PLCL2: variants seen among roughly 807,000 people sequenced by gnomAD.
The protein encoded by PLCL2 is phospholipase C like 2, also known as inactive phospholipase C-like protein 2.
PLCL2 carries 4 observed loss-of-function variants against 79.6 expected under a neutral mutation model. The ratio of observed to expected loss-of-function variants is 0.05; its 90% CI spans 0.02 to 0.11. PLCL2 has a LOEUF of 0.11. Among genes scored for constraint, PLCL2 ranks in the 10% least tolerant of loss-of-function variants. The pLI, the probability that PLCL2 is intolerant of heterozygous loss-of-function variation, is 1.00. For synonymous variants in PLCL2, 484 were observed against 457.7 expected (o/e 1.06, Z -0.73); for missense variants, 895 against 1,291.0 (o/e 0.69, Z 4.70).
At chr3:16,983,951 G>A (rs989430372) in intron 1 of PLCL2, among the ~76,000 whole-genome samples, 6 of 152,138 alleles carry the variant, frequency 3.9e-5, no homozygotes, top group African/African-American at 1.2e-4. Flanking sequence ...GCAGCAAATT[G>A]TATTTTACTG....
chr3:17,014,518 A>G (rs550747855), intron 2 of PLCL2, among the ~76,000 whole-genome samples, 190 bp from the exon 3 acceptor site: 7 of 152,240 alleles, frequency 4.6e-5, no homozygotes, highest in Non-Finnish European at 1.0e-4. Context: ...ACAAATGTCC[A>G]TAACAGCATT....
chr3:16,955,564 G>T (rs1162001497), intron 1 of PLCL2, among the ~76,000 whole-genome samples: 2 of 152,184 alleles, frequency 1.3e-5, no homozygotes, highest in Non-Finnish European at 2.9e-5. Flanking sequence ...ATTCTGTGAA[G>T]AAAGTCATTG....
At chr3:16,946,466 T>C (rs1241855050) in intron 1 of PLCL2, among the ~76,000 whole-genome samples, 1 of 152,176 alleles carries the variant, frequency 6.6e-6, no homozygotes, top group Non-Finnish European at 1.5e-5. Flanking sequence ...ATTTCAACAG[T>C]AATTTTCCCT....
intron 3 of PLCL2, among the ~76,000 whole-genome samples, chr3:17,034,566 G>A (rs929243561): frequency 4.6e-5 from 7 of 152,078 alleles, no homozygotes; most frequent in South Asian, 2.1e-4. Flanking sequence ...CTACTGTCAC[G>A]AATTCACCAC....
At chr3:17,021,703 C>T (rs189800730) in intron 3 of PLCL2, among the ~76,000 whole-genome samples, 4,306 of 152,000 alleles carry the variant, frequency 0.028, 219 homozygotes, top group African/African-American at 0.1. Flanking sequence ...TTGAAAGAGA[C>T]TTAATCACAT....
Position 17,010,546 on chromosome 3 carries a change from C to A in PLCL2, c.1200C>A (p.Leu400=), listed in dbSNP as rs201629623. ...AAGAGGGTCAGGAAAAGGGCTGGCTCTCCATAGACGGGTTCACTAATTACC... is the reference window on the plus strand; with the variant it reads ...AAGAGGGTCAGGAAAAGGGCTGGCTATCCATAGACGGGTTCACTAATTACC... ...PSKEGQEKGW[L]SIDGFTNYLM... is the part of the protein sequence containing the mutation. Residue 400 remains leucine (L), a synonymous_variant, in exon 2 of 6, where the codon CTC becomes CTA. Coordinates refer to ENST00000615277, the MANE Select transcript of PLCL2 (RefSeq NM_001144382.2). This position sits in a 1 kb window ranked among gnomAD's most constrained non-coding sequence, Gnocchi z 5.8. 6.2e-7 allele frequency: 1 copy of A among 1,614,100 alleles called. No homozygotes were observed. Among genetic ancestry groups the A allele is most frequent in the Non-Finnish European group, 8.5e-7 (1 of 1,179,994 alleles).
intron 4 of PLCL2, among the ~76,000 whole-genome samples, chr3:17,065,185 T>TA (rs2064996815): frequency 6.6e-6 from 1 of 152,148 alleles, no homozygotes; most frequent in Non-Finnish European, 1.5e-5. Flanking sequence ...AGGAGTAAGA[T>TA]AAGGGGGAGT....
intron 5 of PLCL2, among the ~76,000 whole-genome samples, chr3:17,076,789 C>T (rs919917271): frequency 1.3e-5 from 2 of 152,110 alleles, no homozygotes; most frequent in African/African-American, 4.8e-5. Flanking sequence ...CGCACTCAGC[C>T]GTTTCCTTTT....
chr3:16,967,395 C>T (rs945398375), intron 1 of PLCL2, among the ~76,000 whole-genome samples: 4 of 152,082 alleles, frequency 2.6e-5, no homozygotes, highest in African/African-American at 9.7e-5. Context: ...ATGTATAAAG[C>T]ATTCCCTTTT....
rs572672991 is a variant in PLCL2, at chr3:17,063,549, G to A, written c.3095-4407G>A. Among the ~76,000 whole-genome samples, 7 of 151,632 alleles carry A rather than the reference G, an allele frequency of 4.6e-5. 1 individual carries two copies. The South Asian group carries it at 1.5e-3, about 32-fold the overall frequency. ...AATCAGAACCTCCAGGGAGACACAGGAGCCTGCACTTTAAACACACACCTC... is the reference window on the plus strand; with the variant it reads ...AATCAGAACCTCCAGGGAGACACAGAAGCCTGCACTTTAAACACACACCTC... On this transcript the variant is annotated intron_variant, in intron 4 of 5. Coordinates refer to ENST00000615277, the MANE Select transcript of PLCL2 (RefSeq NM_001144382.2).
In PLCL2 at chr3:16,990,385, C is replaced by T. The variant is rs146135239; in HGVS notation, c.328-19289C>T. The stretch of plus-strand genomic sequence containing the variant: ...GGCTGCCTGAGTTCATGCATTTTAA[C>T]TCCCTTCTGCATTGGTGGTCAGAGG... On this transcript the variant is annotated intron_variant, in intron 1 of 5. Coordinates refer to ENST00000615277, the MANE Select transcript of PLCL2 (RefSeq NM_001144382.2). Among the ~76,000 whole-genome samples, 14 of 152,326 alleles carry T rather than the reference C, an allele frequency of 9.2e-5. No homozygotes were observed. The East Asian group carries it at 2.3e-3, about 25-fold the overall frequency.
chr3:16,948,998 G>A (rs935261911), intron 1 of PLCL2, among the ~76,000 whole-genome samples: 1 of 152,164 alleles, frequency 6.6e-6, no homozygotes, highest in Non-Finnish European at 1.5e-5. Flanking sequence ...ACTGTTGGGT[G>A]CATTTTGGAC....
At chr3:16,965,695 G>A (rs949719387) in intron 1 of PLCL2, among the ~76,000 whole-genome samples, 5 of 151,868 alleles carry the variant, frequency 3.3e-5, no homozygotes, top group African/African-American at 9.7e-5. Context: ...CTTTTATTTC[G>A]TTGAGCAGTG....
intron 1 of PLCL2, among the ~76,000 whole-genome samples, chr3:16,936,166 G>A (rs1242104678): frequency 6.6e-6 from 1 of 152,198 alleles, no homozygotes; most frequent in Non-Finnish European, 1.5e-5. Context: ...AAATGCCACA[G>A]TCCTGGACAT....
Position 17,011,374 on chromosome 3 carries a change from T to C in PLCL2, c.2028T>C (p.Phe676=). 2.5e-6 allele frequency: 4 copies of C among 1,614,176 alleles called. No individual in the cohort carries two copies. The highest frequency in any genetic ancestry group is 3.4e-6 in the Non-Finnish European group (4 of 1,180,024). Residue 676 remains phenylalanine, a synonymous_variant, in exon 2 of 6, where the codon TTT becomes TTC. Coordinates refer to ENST00000615277, the MANE Select transcript of PLCL2 (RefSeq NM_001144382.2). The surrounding 1 kb of genome is among the most constrained non-coding windows in gnomAD (Gnocchi z 7.9). ...ACAAACGTTTTCTTGCTAGGGTTTT[T>C]CCCAGTCCAATGAGAATTGATTCCA... is the stretch of plus-strand genomic sequence containing the variant. ...NYNKRFLARV[F]PSPMRIDSSN... is the part of the protein sequence containing the mutation.
At chr3:16,902,307 A>T (rs1696639970) in intron 1 of PLCL2, among the ~76,000 whole-genome samples, 1 of 152,174 alleles carries the variant, frequency 6.6e-6, no homozygotes, top group African/African-American at 2.4e-5. Context: ...GTCTTCTTTC[A>T]TAAGAGAGTG....
chr3:17,021,249 T>G (rs1296858118), intron 3 of PLCL2, among the ~76,000 whole-genome samples: 1 of 152,170 alleles, frequency 6.6e-6, no homozygotes, highest in East Asian at 1.9e-4. Context: ...GGCTGTTGTT[T>G]AATCTGATGA....
At chr3:17,055,127 T>C (rs1179886365) in intron 4 of PLCL2, among the ~76,000 whole-genome samples, 2 of 152,172 alleles carry the variant, frequency 1.3e-5, no homozygotes, top group Middle Eastern at 6.3e-3. Context: ...TAGCCCATCA[T>C]CATTACTTTC....
In PLCL2 at chr3:17,089,817, C is replaced by G. The variant is rs2065255085; in HGVS notation, c.3289C>G (p.Leu1097Val). The G allele has an allele frequency of 6.2e-7, 1 of 1,613,848 alleles. No individual in the cohort carries two copies. The highest frequency in any genetic ancestry group is 1.3e-5 in the African/African-American group (1 of 75,016). The change falls in exon 6 of 6, where the codon CTG becomes GTG. Residue 1097 changes from leucine (L) to valine (V), a missense_variant. By Grantham distance (32) the Leu-to-Val change is conservative (BLOSUM62 1). Coordinates refer to ENST00000615277, the MANE Select transcript of PLCL2 (RefSeq NM_001144382.2). ...CCATTTTGCTGCTGTTTCATGTGGA[C>G]TGAATAAACCAGGCACCGAAAATGC... is the stretch of plus-strand genomic sequence containing the variant. ...QIHFAAVSCG[L>V]NKPGTENADV...
Sources: allele counts gnomAD v4.1 joint callset (sites outside exome capture counted in the v4.1 genomes callset), GRCh38; gene constraint gnomAD v4.1.1; non-coding constraint Gnocchi (gnomAD v3.1); transcripts MANE v1.5; gene names NCBI Gene and HGNC (gene_info 2026-07-23, HGNC 2026-07-21).